The following TMCC1 variants were observed in gnomAD, a reference collection of about 807,000 sequenced individuals.
TMCC1 encodes transmembrane and coiled-coil domain family 1.
A neutral mutation model predicts 52.4 loss-of-function variants in TMCC1; 15 were observed. The ratio of observed to expected loss-of-function variants is 0.29; its 90% CI spans 0.19 to 0.44. TMCC1 has a LOEUF of 0.44. Among genes scored for constraint, TMCC1 ranks in the 20% least tolerant of loss-of-function variants. The pLI, the probability that TMCC1 is intolerant of heterozygous loss-of-function variation, is 1.00. For missense variants in TMCC1, 503 were observed against 806.0 expected (o/e 0.62, Z 4.55); for synonymous variants, 279 against 301.9 (o/e 0.92, Z 0.79).
At chr3:129,844,745 T>C (rs1280143852) in intron 2 of TMCC1, among the ~76,000 whole-genome samples, 1 of 152,218 alleles carries the variant, frequency 6.6e-6, no homozygotes, top group East Asian at 1.9e-4. Flanking sequence ...TTTATTTTAG[T>C]TTTCTAACTT....
chr3:129,717,076 C>T (rs1461709525), intron 4 of TMCC1, among the ~76,000 whole-genome samples: 1 of 152,180 alleles, frequency 6.6e-6, no homozygotes, highest in Non-Finnish European at 1.5e-5. Context: ...TTCTTGACTC[C>T]ATTCCCTTCA....
Position 129,699,007 on chromosome 3 carries a change from AGATATGTAGCAGGGATATTTTATTT to A in TMCC1, c.577-27768_577-27744del, listed in dbSNP as rs199711905. On this transcript the variant is annotated intron_variant, in intron 4 of 6. Transcript: ENST00000393238. ...CTGTTCTTTAACTAAAAAACTATCCAGATATGTAGCAGGGATATTTTATTTGATTACATGGAAGATTTCCTTTGAA... is the reference window on the plus strand; with the variant it reads ...CTGTTCTTTAACTAAAAAACTATCCAGATTACATGGAAGATTTCCTTTGAA... Among the ~76,000 whole-genome samples, 55 of 152,302 alleles carry A rather than the reference AGATATGTAGCAGGGATATTTTATTT, an allele frequency of 3.6e-4. No individual in the cohort carries two copies. The East Asian group carries it at 0.011, about 29-fold the overall frequency.
intron 1 of TMCC1, among the ~76,000 whole-genome samples, chr3:129,889,313 C>T (rs530255880): frequency 9.9e-4 from 151 of 152,226 alleles, no homozygotes; most frequent in African/African-American, 3.4e-3. Context: ...ATGTTCAAAA[C>T]TGCCAAGGTC....
intron 4 of TMCC1, among the ~76,000 whole-genome samples, chr3:129,692,045 T>C (rs16862431): frequency 0.031 from 4,735 of 152,210 alleles, 217 homozygotes; most frequent in African/African-American, 0.11. Context: ...ATTTTAAGAA[T>C]CCAAATTCAC....
intron 2 of TMCC1, among the ~76,000 whole-genome samples, chr3:129,870,103 CTA>C (rs1164487705): frequency 1.3e-5 from 2 of 151,892 alleles, no homozygotes; most frequent in African/African-American, 4.8e-5. Flanking sequence ...TCTTGAAAGA[CTA>C]GTCTTGAAAA....
At chr3:129,882,733 A>C (rs866619623) in intron 1 of TMCC1, among the ~76,000 whole-genome samples, 4 of 152,250 alleles carry the variant, frequency 2.6e-5, no homozygotes, top group Non-Finnish European at 4.4e-5. Flanking sequence ...ACATGGATGA[A>C]CCTTCAGGAC....
intron 3 of TMCC1, among the ~76,000 whole-genome samples, chr3:129,832,348 G>C (rs1019807683): frequency 1.3e-5 from 2 of 152,174 alleles, no homozygotes; most frequent in Admixed American, 1.3e-4. Context: ...AAAAAGGGGA[G>C]AGGTCGAAGG....
chr3:129,732,676 G>A (rs9867350), intron 4 of TMCC1, among the ~76,000 whole-genome samples: 26,490 of 151,810 alleles, frequency 0.17, 3,111 homozygotes, highest in Middle Eastern at 0.27. Context: ...AGCAGATGAA[G>A]GAGAGAGAAA....
chr3:129,743,705 A>G (rs1250317354), intron 4 of TMCC1, among the ~76,000 whole-genome samples: 1 of 152,216 alleles, frequency 6.6e-6, no homozygotes, highest in Non-Finnish European at 1.5e-5. Context: ...ATTTTACTAA[A>G]AAGGCTACGA....
intron 4 of TMCC1, among the ~76,000 whole-genome samples, chr3:129,801,444 C>T (rs547318882): frequency 6.6e-6 from 1 of 151,994 alleles, no homozygotes; most frequent in Non-Finnish European, 1.5e-5. Flanking sequence ...CCAATACACG[C>T]CTGTTTTTGT....
At chr3:129,751,701 C>T (rs1165655788) in intron 4 of TMCC1, among the ~76,000 whole-genome samples, 1 of 152,010 alleles carries the variant, frequency 6.6e-6, no homozygotes, top group East Asian at 1.9e-4. Context: ...GCTGGGATTA[C>T]AGGTGCATGC....
intron 4 of TMCC1, among the ~76,000 whole-genome samples, chr3:129,758,089 A>T (rs987877782): frequency 1.3e-5 from 2 of 152,214 alleles, no homozygotes; most frequent in African/African-American, 4.8e-5. Flanking sequence ...GTAAGACTGA[A>T]AACAAAAGGA....
intron 4 of TMCC1, among the ~76,000 whole-genome samples, chr3:129,766,861 T>G (rs1041040739): frequency 2.0e-5 from 3 of 152,038 alleles, no homozygotes; most frequent in African/African-American, 7.2e-5. Flanking sequence ...TCAAGTGATC[T>G]GCCCGCCTTA....
intron 4 of TMCC1, among the ~76,000 whole-genome samples, chr3:129,692,722 G>A (rs2047114120): frequency 6.6e-6 from 1 of 152,138 alleles, no homozygotes; most frequent in South Asian, 2.1e-4. Flanking sequence ...ACTACACTAG[G>A]AACAATAGTA....
At chr3:129,656,707 G>A (rs1174471656) in intron 5 of TMCC1, 1 of 151,982 alleles carries the variant, frequency 6.6e-6, no homozygotes, top group East Asian at 1.9e-4. Flanking sequence ...TCCTTGATAG[G>A]AGTCTCTATA....
At chr3:129,779,010 C>G (rs868868773) in intron 4 of TMCC1, among the ~76,000 whole-genome samples, 1 of 151,740 alleles carries the variant, frequency 6.6e-6, no homozygotes. Flanking sequence ...TTTTGTGGAT[C>G]TTTTTTTCTT....
chr3:129,808,013 T>A (rs981260087), intron 4 of TMCC1, among the ~76,000 whole-genome samples: 4 of 150,056 alleles, frequency 2.7e-5, no homozygotes, highest in African/African-American at 9.8e-5. Context: ...TCCAGAAGTG[T>A]ATCTCCAAGA....
chr3:129,704,056 A>G (rs1356029031), intron 4 of TMCC1, among the ~76,000 whole-genome samples: 1 of 152,196 alleles, frequency 6.6e-6, no homozygotes, highest in East Asian at 1.9e-4. Context: ...TGAAGGAGAA[A>G]CCAGTAAGAT....
intron 4 of TMCC1, among the ~76,000 whole-genome samples, chr3:129,788,346 T>C (rs1365378890): frequency 6.6e-6 from 1 of 152,260 alleles, no homozygotes; most frequent in East Asian, 1.9e-4. Context: ...TATACATATT[T>C]CTAAATTAGT....
Sources: allele counts gnomAD v4.1 joint callset (sites outside exome capture counted in the v4.1 genomes callset), GRCh38; gene constraint gnomAD v4.1.1; transcripts MANE v1.5; gene names NCBI Gene and HGNC (gene_info 2026-07-23, HGNC 2026-07-21).